The following PDE3A variants were observed in gnomAD, a reference collection of about 807,000 sequenced individuals.
The protein encoded by PDE3A is phosphodiesterase 3A.
PDE3A carries 43 observed loss-of-function variants against 98.3 expected under a neutral mutation model. That is an observed-to-expected ratio of 0.44 (90% CI 0.34 to 0.56). The LOEUF is 0.56. PDE3A is among the 20% of genes least tolerant of loss of function. The probability of loss-of-function intolerance (pLI) is 0.01; values close to 1 mark genes in which losing one functional copy is unlikely to be tolerated. For missense variants in PDE3A, 1,427 were observed against 1,440.7 expected (o/e 0.99, Z 0.15); for synonymous variants, 663 against 567.9 (o/e 1.17, Z -2.38).
intron 1 of PDE3A, among the ~76,000 whole-genome samples, chr12:20,379,440 T>A (rs923389175): frequency 6.6e-6 from 1 of 151,718 alleles, no homozygotes; most frequent in African/African-American, 2.4e-5. Context: ...CTGCTTATGC[T>A]GTATTGAGAA....
chr12:20,447,206 A>T (rs1463679472), intron 1 of PDE3A, among the ~76,000 whole-genome samples: 2 of 152,334 alleles, frequency 1.3e-5, no homozygotes, highest in East Asian at 3.9e-4. Context: ...GGTGACAGTG[A>T]AGGTGGTAGG....
At chr12:20,507,737 C>T (rs1451069822) in intron 1 of PDE3A, among the ~76,000 whole-genome samples, 1 of 152,116 alleles carries the variant, frequency 6.6e-6, no homozygotes. Context: ...TTACACCTCA[C>T]ATCCAATCTA....
intron 1 of PDE3A, among the ~76,000 whole-genome samples, chr12:20,479,371 G>A (rs1945583830): frequency 6.6e-6 from 1 of 152,140 alleles, no homozygotes; most frequent in Non-Finnish European, 1.5e-5. Context: ...AGTAAGCCCA[G>A]GGGACTTTAC....
intron 15 of PDE3A, among the ~76,000 whole-genome samples, chr12:20,670,845 G>A (rs1388841770): frequency 8.1e-5 from 11 of 135,390 alleles, no homozygotes; most frequent in Middle Eastern, 3.6e-3. Flanking sequence ...AAATAACTAA[G>A]ATCAGAGCAG....
chr12:20,592,835 C>G (rs1943372086), intron 2 of PDE3A, among the ~76,000 whole-genome samples: 1 of 152,114 alleles, frequency 6.6e-6, no homozygotes. Flanking sequence ...GGGAGTCACA[C>G]TTTTCAGACC....
chr12:20,589,376 G>A (rs557338015), intron 2 of PDE3A, among the ~76,000 whole-genome samples: 1 of 152,160 alleles, frequency 6.6e-6, no homozygotes, highest in African/African-American at 2.4e-5. Flanking sequence ...TATTGTTCAT[G>A]GTAAGTAAAT....
intron 1 of PDE3A, among the ~76,000 whole-genome samples, chr12:20,479,473 A>G (rs1017718034): frequency 5.9e-5 from 9 of 152,172 alleles, no homozygotes; most frequent in African/African-American, 1.9e-4. Flanking sequence ...CCTTGAGTAT[A>G]TCTCTTGAGC....
At chr12:20,384,933 G>T (rs2120563534) in intron 1 of PDE3A, among the ~76,000 whole-genome samples, 1 of 152,148 alleles carries the variant, frequency 6.6e-6, no homozygotes, top group East Asian at 1.9e-4. Flanking sequence ...GTCTATCGTT[G>T]ATGGGCATTT....
intron 1 of PDE3A, among the ~76,000 whole-genome samples, chr12:20,489,160 CA>C (rs993596374): frequency 1.3e-5 from 2 of 152,158 alleles, no homozygotes; most frequent in Non-Finnish European, 2.9e-5. Flanking sequence ...TTTTTACTTG[CA>C]GTTATTTTCT....
chr12:20,370,449 T>G (rs1255264415), intron 1 of PDE3A, among the ~76,000 whole-genome samples: 36 of 150,796 alleles, frequency 2.4e-4, no homozygotes, highest in Admixed American at 2.4e-3. Flanking sequence ...TTTCACACAG[T>G]AGTTTTATAA....
chr12:20,653,321 A>T (rs1455324497), intron 14 of PDE3A, among the ~76,000 whole-genome samples: 2 of 152,168 alleles, frequency 1.3e-5, no homozygotes, highest in African/African-American at 2.4e-5. Context: ...AAGCAAAAAA[A>T]GGAAAATAGG....
At chr12:20,414,753 T>C (rs1177552049) in intron 1 of PDE3A, among the ~76,000 whole-genome samples, 1 of 152,224 alleles carries the variant, frequency 6.6e-6, no homozygotes, top group Admixed American at 6.5e-5. Flanking sequence ...CTTTTTCTTC[T>C]GAGCCAAGTA....
chr12:20,433,885 A>G (rs1429053376), intron 1 of PDE3A, among the ~76,000 whole-genome samples: 1 of 151,718 alleles, frequency 6.6e-6, no homozygotes, highest in African/African-American at 2.4e-5. Flanking sequence ...TAGAATTCCT[A>G]CATGGTCCCA....
intron 1 of PDE3A, among the ~76,000 whole-genome samples, chr12:20,539,576 C>T (rs1437813788): frequency 6.6e-6 from 1 of 152,052 alleles, no homozygotes; most frequent in Non-Finnish European, 1.5e-5. Context: ...CTTAATAAAA[C>T]CCAGCACCTA....
chr12:20,556,749 G>C, intron 2 of PDE3A, 39 bp downstream of exon 2: 1 of 1,473,954 alleles, frequency 6.8e-7, no homozygotes, highest in Non-Finnish European at 9.5e-7. Flanking sequence ...GTTTCGTTTC[G>C]TAACACTTTC....
At chr12:20,449,947 G>GC in intron 1 of PDE3A, 1 of 786,522 alleles carries the variant, frequency 1.3e-6, no homozygotes, top group African/African-American at 1.8e-5. Flanking sequence ...GATTCTGAAG[G>GC]CCCCCTTATA....
At chr12:20,670,965 GA>G (rs1292380424) in intron 15 of PDE3A, among the ~76,000 whole-genome samples, 1 of 122,132 alleles carries the variant, frequency 8.2e-6, no homozygotes, top group Non-Finnish European at 1.7e-5. Flanking sequence ...GACTAATAAA[GA>G]AAAAAAGAGA....
At chr12:20,561,860 T>G (rs1942531967) in intron 2 of PDE3A, among the ~76,000 whole-genome samples, 1 of 152,220 alleles carries the variant, frequency 6.6e-6, no homozygotes, top group Non-Finnish European at 1.5e-5. Flanking sequence ...CATATGACTT[T>G]TTAGACGCAG....
At chr12:20,416,655 CT>C (rs1224048597) in intron 1 of PDE3A, among the ~76,000 whole-genome samples, 2 of 152,150 alleles carry the variant, frequency 1.3e-5, no homozygotes, top group African/African-American at 4.8e-5. Context: ...CATCTTTAGG[CT>C]TTTTCTGAAT....
Sources: allele counts gnomAD v4.1 joint callset (sites outside exome capture counted in the v4.1 genomes callset), GRCh38; gene constraint gnomAD v4.1.1; transcripts MANE v1.5; gene names NCBI Gene and HGNC (gene_info 2026-07-23, HGNC 2026-07-21).